Variants in ADGRG6 observed in about 807,000 individuals in gnomAD.
ADGRG6 encodes the protein G-protein coupled receptor 126.
A neutral mutation model predicts 142.4 loss-of-function variants in ADGRG6; 84 were observed. That is an observed-to-expected ratio of 0.59 (90% confidence interval 0.49 to 0.71). ADGRG6 has a LOEUF of 0.71. Ranked by LOEUF, ADGRG6 falls within the 30% of genes least tolerant of loss-of-function variation. The probability of loss-of-function intolerance (pLI) is 0.00; values close to 1 mark genes in which losing one functional copy is unlikely to be tolerated. For missense variants in ADGRG6, 1,367 were observed against 1,466.6 expected (o/e 0.93, Z 1.11); for synonymous variants, 521 against 520.5 (o/e 1.00, Z -0.01).
Position 142,302,230 on chromosome 6 carries a change from G to A in ADGRG6, c.-100G>A. 1 of 1,415,580 alleles carries A rather than the reference G, an allele frequency of 7.1e-7. No individual in the cohort carries two copies. Among genetic ancestry groups the A allele is most frequent in the Non-Finnish European group, 9.7e-7 (1 of 1,027,986 alleles). The allele number at this position is 1,415,580 out of a possible 1,614,324, so 87.7% of individuals were successfully genotyped here. On this transcript the variant is annotated 5_prime_UTR_variant, in exon 1 of 25. Coordinates refer to ENST00000367609, the MANE Select transcript of ADGRG6 (RefSeq NM_198569.3). ...GGGTCCCGCCGCGGCGCAGGGCTGG[G>A]GCGCCTGGGTTCCCCCTGGGTGGAG... is the stretch of plus-strand genomic sequence containing the variant.
At chr6:142,428,351 T>A (rs1183860874) in intron 22 of ADGRG6, among the ~76,000 whole-genome samples, 1 of 152,130 alleles carries the variant, frequency 6.6e-6, no homozygotes, top group Admixed American at 6.6e-5. Flanking sequence ...ATTGTTACTA[T>A]CTGTTTGATT....
At chr6:142,428,027 T>A (rs1777035076) in intron 22 of ADGRG6, among the ~76,000 whole-genome samples, 1 of 152,152 alleles carries the variant, frequency 6.6e-6, no homozygotes, top group African/African-American at 2.4e-5. Flanking sequence ...AAGGAATGAC[T>A]TTTGATAGAT....
intron 9 of ADGRG6, among the ~76,000 whole-genome samples, chr6:142,395,206 T>C (rs1775112631): frequency 6.6e-6 from 1 of 152,176 alleles, no homozygotes; most frequent in Non-Finnish European, 1.5e-5. Flanking sequence ...TTTCTGGTAT[T>C]ATAATTTTTT....
At chr6:142,404,171 A>T in intron 14 of ADGRG6, 198 bp downstream of exon 14, 1 of 554,814 alleles carries the variant, frequency 1.8e-6, no homozygotes, top group Non-Finnish European at 3.2e-6. Context: ...AATCTGGGTG[A>T]CAGGGGTGGT....
intron 22 of ADGRG6, among the ~76,000 whole-genome samples, chr6:142,429,484 T>C (rs376013340): frequency 6.6e-6 from 1 of 152,136 alleles, no homozygotes; most frequent in Non-Finnish European, 1.5e-5. Flanking sequence ...AGAGAAATAA[T>C]TTTCTAAAGG....
At chr6:142,371,403 G>C (rs1238423677) in intron 4 of ADGRG6, among the ~76,000 whole-genome samples, 1 of 151,470 alleles carries the variant, frequency 6.6e-6, no homozygotes, top group Non-Finnish European at 1.5e-5. Context: ...CTGACCTCAA[G>C]TGGTCCACCT....
chr6:142,318,210 T>TTATATTATATA (rs1778294984), intron 2 of ADGRG6, among the ~76,000 whole-genome samples: 3 of 37,098 alleles, frequency 8.1e-5, no homozygotes, highest in African/African-American at 6.5e-4. Flanking sequence ...TTATATATAT[T>TTATATTATATA]TATATATTAT....
At chr6:142,372,169 A>G (rs1264901182) in intron 4 of ADGRG6, among the ~76,000 whole-genome samples, 1 of 152,232 alleles carries the variant, frequency 6.6e-6, no homozygotes, top group African/African-American at 2.4e-5. Flanking sequence ...CTCCATTTAC[A>G]CAAGTTAATT....
chr6:142,394,580 A>AT (rs5880532), intron 9 of ADGRG6, among the ~76,000 whole-genome samples: 22,470 of 132,960 alleles, frequency 0.17, 2,167 homozygotes, highest in African/African-American at 0.23. Context: ...ATCTCTGTAG[A>AT]TTTTTTTTTT....
intron 9 of ADGRG6, 75 bp downstream of exon 9, chr6:142,394,033 A>C: frequency 1.0e-6 from 1 of 958,066 alleles, no homozygotes; most frequent in Non-Finnish European, 1.6e-6. Context: ...GAGAAATGAA[A>C]ACAATTAGAT....
Position 142,443,404 on chromosome 6 carries a change from C to T in ADGRG6, c.3642C>T (p.Ile1214=), listed in dbSNP as rs748766169. The T allele has an allele frequency of 2.3e-5, 37 of 1,611,532 alleles. No homozygotes were observed. Among genetic ancestry groups the T allele is most frequent in the Non-Finnish European group, 3.0e-5 (35 of 1,177,926 alleles). The stretch of plus-strand genomic sequence containing the variant: ...CTGATGGAGATCAAACATCAATCAT[C>T]CCTGTCCATCAGGTCATTGATAAGG... ...AHADGDQTSI[I]PVHQVIDKVK... Residue 1214 remains isoleucine (I), a synonymous_variant, in exon 25 of 25, where the codon ATC becomes ATT. Transcript: ENST00000367609.
At chr6:142,426,209 A>G (rs1776936808) in intron 22 of ADGRG6, among the ~76,000 whole-genome samples, 1 of 152,242 alleles carries the variant, frequency 6.6e-6, no homozygotes. Flanking sequence ...GAGACAAGGC[A>G]AGTCCCTTCC....
intron 2 of ADGRG6, among the ~76,000 whole-genome samples, chr6:142,323,131 T>C (rs1778597633): frequency 6.6e-6 from 1 of 151,910 alleles, no homozygotes; most frequent in African/African-American, 2.4e-5. Flanking sequence ...TTTTTTTTTT[T>C]TTGCCTATGA....
rs1237753523 is a variant in ADGRG6, at chr6:142,405,730, A to G, written c.2170A>G (p.Ile724Val). 1 of 1,608,960 alleles carries G rather than the reference A, an allele frequency of 6.2e-7. No homozygotes were observed. Among genetic ancestry groups the G allele is most frequent in the Non-Finnish European group, 8.5e-7 (1 of 1,176,102 alleles). The change falls in exon 15 of 25, where the codon ATT (isoleucine) becomes GTT (valine). Residue 724 changes from isoleucine to valine, a missense_variant. Physicochemically the swap from Ile to Val is conservative, Grantham distance 29. Around this residue, in one of 3 missense-constraint regions of ADGRG6, gnomAD observed 286 missense variants for 371.4 expected, o/e 0.77. Transcript: ENST00000367609. ...SGQVDPLASV[I>V]LPPNLLENLS... is the part of the protein sequence containing the mutation. ...ACAAGTGGATCCACTGGCATCTGTA[A>G]TTTTGCCTCCAAACTTACTTGAGAA...
Position 142,381,861 on chromosome 6 carries a change from G to A in ADGRG6, c.1070-90G>A, listed in dbSNP as rs564010559. Reference sequence around the variant, plus strand: ...AGAATTACTGGTGGACTCTTCTAGGGCTGCTTCTATTACATCAACCGTATG... The same window carrying A: ...AGAATTACTGGTGGACTCTTCTAGGACTGCTTCTATTACATCAACCGTATG... On this transcript the variant is annotated intron_variant, in intron 4 of 24. Transcript: ENST00000367609. 3.6e-5 allele frequency: 28 copies of A among 775,016 alleles called. No individual in the cohort carries two copies. In the East Asian group the frequency reaches 6.6e-4, roughly 18 times the overall value. The allele number at this position is 775,016 out of a possible 1,614,324, so 48.0% of individuals were successfully genotyped here. A position where few individuals can be genotyped will look rare whatever the true frequency, so the allele number is the denominator to read the frequency against.
intron 2 of ADGRG6, among the ~76,000 whole-genome samples, chr6:142,315,066 T>C (rs1777972258): frequency 6.6e-6 from 1 of 152,044 alleles, no homozygotes; most frequent in Non-Finnish European, 1.5e-5. Context: ...AAGTTTCTTC[T>C]GTGTACTTCC....
chr6:142,396,119 CT>C (rs1442039477), intron 9 of ADGRG6, among the ~76,000 whole-genome samples: 5 of 152,140 alleles, frequency 3.3e-5, no homozygotes, highest in Admixed American at 6.6e-5. Context: ...ACCCACAATA[CT>C]TTGGGCTAAT....
At chr6:142,369,623 T>C (rs1041688180) in intron 3 of ADGRG6, among the ~76,000 whole-genome samples, 1 of 152,222 alleles carries the variant, frequency 6.6e-6, no homozygotes, top group African/African-American at 2.4e-5. Context: ...AGAATTATTT[T>C]TGCATTTGTT....
At position 142,390,294 on chromosome 6, in the gene ADGRG6, A is replaced by G; in HGVS notation, c.1259A>G (p.Asn420Ser). ...TATAGAATATCCGTAGTGATTCAGA[A>G]CATCCTTCGTCACCCTGAGGTAAAA... ...IIYRISVVIQ[N>S]ILRHPEVKVQ... is the part of the protein sequence containing the mutation. The change falls in exon 7 of 25, where the codon AAC becomes AGC. Residue 420 changes from asparagine to serine, a missense_variant. Physicochemically the swap from Asn to Ser is conservative, Grantham distance 46 (BLOSUM62 1). This residue lies in a region of ADGRG6 where 737 missense variants were observed against 746.5 expected (regional missense o/e 0.99). Transcript: ENST00000367609. The G allele has an allele frequency of 6.2e-7, 1 of 1,600,754 alleles. No homozygotes were observed. The highest frequency in any genetic ancestry group is 8.5e-7 in the Non-Finnish European group (1 of 1,169,980).
Sources: gnomAD v4.1 joint callset for allele counts (sites outside exome capture counted in the v4.1 genomes callset) on GRCh38, gnomAD v4.1.1 for gene constraint, gnomAD v4.1.1 regional missense constraint, MANE v1.5 for transcripts, NCBI Gene and HGNC (gene_info 2026-07-23, HGNC 2026-07-21) for gene names.